Variants in MALRD1 observed in about 807,000 individuals in gnomAD.
The protein encoded by MALRD1 is MAM and LDL-receptor class A domain-containing protein 1.
Under a neutral mutation model 242.1 loss-of-function variants are expected in MALRD1, and 247 were observed. That is an observed-to-expected ratio of 1.02 (90% CI 0.92 to 1.13). The LOEUF (loss-of-function observed/expected upper bound fraction) is 1.13. Ranked by LOEUF, MALRD1 falls within the 50% of genes most tolerant of loss-of-function variation. The probability of loss-of-function intolerance (pLI) is 0.00; values close to 1 mark genes in which losing one functional copy is unlikely to be tolerated. For missense variants in MALRD1, 2,989 were observed against 2,533.1 expected, an observed-to-expected ratio of 1.18 and a Z score of -3.86; for synonymous variants, 995 against 866.6, an observed-to-expected ratio of 1.15 and a Z score of -2.60.
At chr10:19,339,665 C>A (rs1843756115) in intron 24 of MALRD1, among the ~76,000 whole-genome samples, 1 of 152,166 alleles carries the variant, frequency 6.6e-6, no homozygotes, top group Admixed American at 6.6e-5. Flanking sequence ...GTGTAACAAA[C>A]TACAGCAAAA....
chr10:19,480,919 C>A (rs949151097), intron 29 of MALRD1, among the ~76,000 whole-genome samples: 3 of 151,786 alleles, frequency 2.0e-5, no homozygotes, highest in Admixed American at 2.0e-4. Context: ...ATCAATTGTT[C>A]TAAAATTATA....
chr10:19,189,234 G>A (rs529837537), intron 14 of MALRD1, among the ~76,000 whole-genome samples: 5 of 152,164 alleles, frequency 3.3e-5, no homozygotes, highest in Admixed American at 2.0e-4. Context: ...TCCTAGAAAT[G>A]TAAAACCTAC....
chr10:19,226,866 T>C (rs996811020), intron 18 of MALRD1, among the ~76,000 whole-genome samples: 1 of 152,066 alleles, frequency 6.6e-6, no homozygotes, highest in African/African-American at 2.4e-5. Context: ...TGTGTTTCTA[T>C]ACACAATCAA....
At chr10:19,331,346 C>T in intron 23 of MALRD1, 23 bp from the exon 24 acceptor site, 1 of 1,539,266 alleles carries the variant, frequency 6.5e-7, no homozygotes, top group Non-Finnish European at 8.8e-7. Context: ...GACAGTTTAA[C>T]TGTAACTGGC....
At chr10:19,547,586 C>T (rs11010316) in intron 32 of MALRD1, among the ~76,000 whole-genome samples, 5,754 of 151,356 alleles carry the variant, frequency 0.038, 184 homozygotes, top group Middle Eastern at 0.086. Context: ...ATTAACATGA[C>T]ATGACTTATC....
intron 32 of MALRD1, among the ~76,000 whole-genome samples, chr10:19,564,922 A>C (rs1836184103): frequency 6.6e-6 from 1 of 152,292 alleles, no homozygotes; most frequent in East Asian, 1.9e-4. Flanking sequence ...AGACATAATG[A>C]ATAAGCAATG....
At position 19,209,295 on chromosome 10, in the gene MALRD1, C is replaced by G. The variant is rs1181784224; in HGVS notation, c.2606C>G (p.Thr869Ser). 10 of 1,542,714 alleles carry G rather than the reference C, an allele frequency of 6.5e-6. No individual in the cohort carries two copies. The highest frequency in any genetic ancestry group is 8.7e-6 in the Non-Finnish European group (10 of 1,144,048). Residue 869 changes from threonine to serine, a missense_variant, in exon 18 of 40, where the codon ACT becomes AGT. Transcript: ENST00000454679. Reference sequence around the variant, plus strand: ...CCTGAGCTGCAGTGTAACTTTGAAACTGGAATCTGTAACTGGGAACAAGAT... The same window carrying G: ...CCTGAGCTGCAGTGTAACTTTGAAAGTGGAATCTGTAACTGGGAACAAGAT... ...CAPELQCNFE[T>S]GICNWEQDAK...
chr10:19,243,782 C>T (rs571955116), intron 18 of MALRD1, among the ~76,000 whole-genome samples: 5 of 152,132 alleles, frequency 3.3e-5, no homozygotes, highest in South Asian at 2.1e-4. Flanking sequence ...ATGTAATAAC[C>T]ATAAGCTTGG....
intron 28 of MALRD1, among the ~76,000 whole-genome samples, chr10:19,436,434 A>G (rs894236421): frequency 6.6e-6 from 1 of 152,162 alleles, no homozygotes; most frequent in African/African-American, 2.4e-5. Flanking sequence ...TTTCACTCCA[A>G]CAGTGAGAAA....
rs888585116 is a variant in MALRD1, at chr10:19,567,166, A to G, written c.5479-336A>G. On this transcript the variant is annotated intron_variant, in intron 32 of 39. Coordinates refer to ENST00000454679, the MANE Select transcript of MALRD1 (RefSeq NM_001142308.3). ...TCTTTTTCTGCAGTCACACAACCTT[A>G]GTCTAACATAGACAAAGTTCTTTAG... Among the ~76,000 whole-genome samples, 3 of 152,190 alleles carry G rather than the reference A, an allele frequency of 2.0e-5. No individual in the cohort carries two copies. The East Asian group carries it at 5.8e-4, about 29-fold the overall frequency.
chr10:19,240,128 A>C lies in MALRD1; in HGVS notation c.2992-17556A>C, dbSNP rs115159131. Among the ~76,000 whole-genome samples, 778 of 152,226 alleles carry C rather than the reference A, an allele frequency of 5.1e-3. 11 individuals carry two copies. Among genetic ancestry groups the C allele is most frequent in the African/African-American group, 0.018 (740 of 41,550 alleles). Reference sequence around the variant, plus strand: ...ATAGTATCAGTTCTTCCAATCCATGAGTATATAATGTCCATTTTTTGTGTA... The same window carrying C: ...ATAGTATCAGTTCTTCCAATCCATGCGTATATAATGTCCATTTTTTGTGTA... On this transcript the variant is annotated intron_variant, in intron 18 of 39. Coordinates refer to ENST00000454679, the MANE Select transcript of MALRD1 (RefSeq NM_001142308.3).
At chr10:19,706,991 A>T (rs978426318) in intron 38 of MALRD1, among the ~76,000 whole-genome samples, 1 of 145,580 alleles carries the variant, frequency 6.9e-6, no homozygotes, top group Non-Finnish European at 1.5e-5. Flanking sequence ...CTTCCTCCTC[A>T]TCCTTCTCCT....
intron 32 of MALRD1, among the ~76,000 whole-genome samples, chr10:19,563,110 A>G (rs143207659): frequency 4.6e-4 from 70 of 152,280 alleles, no homozygotes; most frequent in Non-Finnish European, 7.2e-4. Flanking sequence ...TGTGCTGTGT[A>G]CAGTTAATGG....
chr10:19,546,403 C>T (rs1564430388), intron 32 of MALRD1, among the ~76,000 whole-genome samples: 2 of 152,180 alleles, frequency 1.3e-5, no homozygotes, highest in African/African-American at 2.4e-5. Flanking sequence ...TGCATCATTT[C>T]TCTGGTCTCA....
In MALRD1 at chr10:19,352,292, C is replaced by T. The variant is rs139806995; in HGVS notation, c.4436C>T (p.Pro1479Leu). ...SVQEELAVPLPTGFCPLGYRE... is the reference protein window; with the variant it reads ...SVQEELAVPLLTGFCPLGYRE... ...CAAGAAGAACTGGCAGTGCCTCTTC[C>T]AACAGGTACATTCTAATCTGTGTGT... Residue 1479 changes from proline to leucine, a missense_variant, in exon 26 of 40, where the codon CCA (proline) becomes CTA (leucine). Transcript: ENST00000454679. The T allele has an allele frequency of 2.6e-6, 4 of 1,510,302 alleles. No homozygotes were observed. Among genetic ancestry groups the T allele is most frequent in the Middle Eastern group, 1.7e-4 (1 of 5,934 alleles). The allele number at this position is 1,510,302 out of a possible 1,614,324, so 93.6% of individuals were successfully genotyped here.
At chr10:19,192,938 C>A (rs909215007) in intron 14 of MALRD1, among the ~76,000 whole-genome samples, 6 of 151,320 alleles carry the variant, frequency 4.0e-5, no homozygotes, top group African/African-American at 1.5e-4. Flanking sequence ...CTTTTTTTTT[C>A]CAGCTGCTTT....
chr10:19,086,858 T>C (rs1044938621), intron 2 of MALRD1, among the ~76,000 whole-genome samples: 5 of 152,040 alleles, frequency 3.3e-5, no homozygotes, highest in African/African-American at 7.2e-5. Context: ...TCTGTGTCTC[T>C]TTGTCTTGCT....
At chr10:19,483,528 C>T (rs574972607) in intron 29 of MALRD1, among the ~76,000 whole-genome samples, 1 of 152,032 alleles carries the variant, frequency 6.6e-6, no homozygotes, top group Non-Finnish European at 1.5e-5. Flanking sequence ...ATATGGTCAA[C>T]GAACATGAAA....
rs1354470715 is a variant in MALRD1 at position 19,531,361 on chromosome 10, G to A, written c.5478+10G>A. 4 of 1,515,526 alleles carry A rather than the reference G, an allele frequency of 2.6e-6. No homozygotes were observed. Among genetic ancestry groups the A allele is most frequent in the African/African-American group, 2.8e-5 (2 of 72,040 alleles). The allele number at this position is 1,515,526 out of a possible 1,614,324, so 93.9% of individuals were successfully genotyped here. On this transcript the variant is annotated intron_variant, in intron 32 of 39. Coordinates refer to ENST00000454679, the MANE Select transcript of MALRD1 (RefSeq NM_001142308.3). ...TATGGGAATATTAAAGGTACAAAAG[G>A]AAGCCAGAGATTTATGATCACTGAA... is the stretch of plus-strand genomic sequence containing the variant.
Sources: allele counts gnomAD v4.1 joint callset (sites outside exome capture counted in the v4.1 genomes callset), GRCh38; gene constraint gnomAD v4.1.1; transcripts MANE v1.5; gene names NCBI Gene and HGNC (gene_info 2026-07-23, HGNC 2026-07-21).